The following DGLUCY variants were observed in gnomAD, a reference collection of about 807,000 sequenced individuals.
DGLUCY encodes the protein D-glutamate cyclase, mitochondrial.
Under a neutral mutation model 58.5 loss-of-function variants are expected in DGLUCY, and 58 were observed. That is an observed-to-expected ratio of 0.99 (90% CI 0.80 to 1.23). DGLUCY has a LOEUF of 1.23. Ranked by LOEUF, DGLUCY falls within the 50% of genes most tolerant of loss-of-function variation. DGLUCY has a pLI of 0.00. For missense variants in DGLUCY, 779 were observed against 784.7 expected (o/e 0.99, Z 0.09); for synonymous variants, 325 against 314.1 (o/e 1.03, Z -0.37).
In DGLUCY at chr14:91,075,513, T is replaced by C. The variant is rs1376805632; in HGVS notation, c.-82+14809T>C. 5.3e-5 allele frequency among the ~76,000 whole-genome samples: 8 copies of C among 152,280 alleles called. No individual in the cohort carries two copies. The East Asian group carries it at 7.7e-4, about 15-fold the overall frequency. The stretch of plus-strand genomic sequence containing the variant: ...TGGGCATCCTATCTTTCTGAATATA[T>C]TGTATTGGAGCTTTTTAGTTTGCTT... On this transcript the variant is annotated intron_variant, in intron 1 of 4. Transcript: ENST00000521334.
intron 1 of DGLUCY, among the ~76,000 whole-genome samples, chr14:91,066,347 C>A (rs1292737798): frequency 6.9e-6 from 1 of 145,192 alleles, no homozygotes; most frequent in Non-Finnish European, 1.5e-5. Context: ...CATTGCACTC[C>A]AGGCTGGGTA....
In DGLUCY at chr14:91,189,309, A is replaced by G. The variant is rs1489758466; in HGVS notation, c.1195+139A>G. The G allele has an allele frequency of 4.2e-6, 5 of 1,179,136 alleles. No individual in the cohort carries two copies. The South Asian group carries it at 4.6e-5, about 11-fold the overall frequency. The allele number at this position is 1,179,136 out of a possible 1,614,324, so 73.0% of individuals were successfully genotyped here. ...GTTGTAAGCTGCATAGCTTGATTTC[A>G]TAGACGAAGAGACTGAGGCTCTGAG... On this transcript the variant is annotated intron_variant, in intron 9 of 13. Transcript: ENST00000256324.
At chr14:91,188,440 G>A (rs2049658355) in intron 8 of DGLUCY, among the ~76,000 whole-genome samples, 1 of 152,162 alleles carries the variant, frequency 6.6e-6, no homozygotes, top group Non-Finnish European at 1.5e-5. Context: ...ACTGTGGCAA[G>A]CAATTTGCAG....
At chr14:91,191,647 G>A (rs927248430) in intron 9 of DGLUCY, among the ~76,000 whole-genome samples, 2 of 152,118 alleles carry the variant, frequency 1.3e-5, no homozygotes, top group Non-Finnish European at 2.9e-5. Context: ...CTCAAGTTCT[G>A]GTTTCAAAGA....
chr14:91,190,929 AGAG>A (rs2049846033), intron 9 of DGLUCY, among the ~76,000 whole-genome samples: 1 of 152,006 alleles, frequency 6.6e-6, no homozygotes, highest in African/African-American at 2.4e-5. Flanking sequence ...GGAAGGTGGG[AGAG>A]GAGGACGGTT....
chr14:91,068,739 G>A (rs189751080), intron 1 of DGLUCY, among the ~76,000 whole-genome samples: 3 of 152,242 alleles, frequency 2.0e-5, no homozygotes, highest in East Asian at 1.9e-4. Flanking sequence ...TCTTCTGGAC[G>A]GAATACAAAA....
At chr14:91,188,050 C>T (rs911230687) in intron 8 of DGLUCY, among the ~76,000 whole-genome samples, 5 of 152,058 alleles carry the variant, frequency 3.3e-5, no homozygotes, top group African/African-American at 9.7e-5. Context: ...CTAGAAGCCC[C>T]GGGATGCTTT....
At position 91,215,529 on chromosome 14, in the gene DGLUCY, G is replaced by A. The variant is rs553865325; in HGVS notation, c.1689G>A (p.Trp563Ter). 6.8e-6 allele frequency: 11 copies of A among 1,614,012 alleles called. No homozygotes were observed. The highest frequency in any genetic ancestry group is 8.5e-6 in the Non-Finnish European group (10 of 1,179,848). The change falls in exon 13 of 14, where the codon TGG (tryptophan) becomes TGA (stop). Residue 563 changes from tryptophan (W) to a stop codon, truncating the protein, a stop_gained. Coordinates refer to ENST00000256324, the MANE Select transcript of DGLUCY (RefSeq NM_001102368.3). LOFTEE classifies it low-confidence loss of function (END_TRUNC). ...CCAGGGCACCTGGAGATCAGGCCTG[G>A]ACTCAGGCCCTCCCGTCGGTCATTA... ...GPSRAPGDQA[W>*]TQALPSVIKE... is the part of the protein sequence containing the mutation.
chr14:91,158,418 G>C (rs755850491), intron 2 of DGLUCY, among the ~76,000 whole-genome samples: 2 of 152,200 alleles, frequency 1.3e-5, no homozygotes, highest in Non-Finnish European at 2.9e-5. Context: ...TTGGCTCTAA[G>C]TACATCTCTC....
chr14:91,167,753 C>G, intron 4 of DGLUCY: 1 of 670,906 alleles, frequency 1.5e-6, no homozygotes, highest in Non-Finnish European at 2.7e-6. Context: ...TGTCTGTTCT[C>G]CCAGGCTTTT....
At chr14:91,122,602 G>GTTTTTTTTT (rs60627604) in intron 1 of DGLUCY, among the ~76,000 whole-genome samples, 25 of 104,782 alleles carry the variant, frequency 2.4e-4, no homozygotes, top group East Asian at 6.1e-4. Flanking sequence ...AAAGAAAAAA[G>GTTTTTTTTT]TTTTTTTTTT....
upstream of DGLUCY, among the ~76,000 whole-genome samples, chr14:91,105,326 G>GA (rs900336514): frequency 3.4e-4 from 51 of 149,990 alleles, no homozygotes; most frequent in East Asian, 2.7e-3. Flanking sequence ...CACAAAAAAA[G>GA]AAAAAAAAAT....
chr14:91,197,804 A>G (rs1224348866), intron 10 of DGLUCY, among the ~76,000 whole-genome samples: 1 of 152,182 alleles, frequency 6.6e-6, no homozygotes, highest in East Asian at 1.9e-4. Context: ...GTCAGTGGGC[A>G]CTGGGTTTGC....
In DGLUCY at chr14:91,163,370, C is replaced by T. The variant is rs1053668783; in HGVS notation, c.103+2973C>T. On this transcript the variant is annotated intron_variant, in intron 3 of 13. Transcript: ENST00000256324. ...AAGCCAGCCAAATCCCCTCCCACCTCGCTCCAGATAACTTTTGGAGCCGTG... is the reference window on the plus strand; with the variant it reads ...AAGCCAGCCAAATCCCCTCCCACCTTGCTCCAGATAACTTTTGGAGCCGTG... 3.3e-5 allele frequency among the ~76,000 whole-genome samples: 5 copies of T among 152,368 alleles called. No homozygotes were observed. In the South Asian group the frequency reaches 1.0e-3, roughly 32 times the overall value.
At chr14:91,137,123 G>A (rs1005858485) in intron 1 of DGLUCY, among the ~76,000 whole-genome samples, 2 of 151,500 alleles carry the variant, frequency 1.3e-5, no homozygotes, top group Non-Finnish European at 2.9e-5. Context: ...CCAGCAGAAC[G>A]TGTCTGTTCA....
chr14:91,185,271 ATTT>A (rs35639010), intron 8 of DGLUCY, among the ~76,000 whole-genome samples: 582 of 38,304 alleles, frequency 0.015, 5 homozygotes, highest in African/African-American at 0.053. Flanking sequence ...GCCCAGCCGG[ATTT>A]TTTTTTTTTT....
chr14:91,224,757 TG>T lies in DGLUCY; in HGVS notation c.1792del (p.Asp598MetfsTer12). On this transcript the variant is annotated frameshift_variant, in exon 14 of 14. Coordinates refer to ENST00000256324, the MANE Select transcript of DGLUCY (RefSeq NM_001102368.3). LOFTEE classifies it low-confidence loss of function (END_TRUNC). Reference protein sequence around the residue: ...SGVSGIVGMEVDGLPFHNTHA... With the variant: ...SGVSGIVGMEXDGLPFHNTHA... ...GTCTCGGGCATCGTGGGCATGGAGG[TG>T]GATGGGCTGCCCTTCCACAACACCC... 1 of 1,613,274 alleles carries T rather than the reference TG, an allele frequency of 6.2e-7. No homozygotes were observed. The highest frequency in any genetic ancestry group is 8.5e-7 in the Non-Finnish European group (1 of 1,179,676).
At chr14:91,180,587 A>AT (rs1021317619) in intron 7 of DGLUCY, among the ~76,000 whole-genome samples, 1 of 151,972 alleles carries the variant, frequency 6.6e-6, no homozygotes, top group African/African-American at 2.4e-5. Context: ...AAAAAAAAAA[A>AT]AGAATAAAGT....
At chr14:91,173,722 G>T in intron 6 of DGLUCY, 1 of 335,426 alleles carries the variant, frequency 3.0e-6, no homozygotes, top group Non-Finnish European at 5.4e-6. Context: ...CTGTATCAGG[G>T]CTGGGCTTAC....
Sources: gnomAD v4.1 joint callset for allele counts (sites outside exome capture counted in the v4.1 genomes callset) on GRCh38, gnomAD v4.1.1 for gene constraint, MANE v1.5 for transcripts, NCBI Gene and HGNC (gene_info 2026-07-23, HGNC 2026-07-21) for gene names.